The following FUT8 variants were observed in gnomAD, a reference collection of about 807,000 sequenced individuals.
FUT8 encodes the protein alpha-(1,6)-fucosyltransferase.
In FUT8, 29 loss-of-function variants were observed where a neutral mutation model predicts 71.3. That is an observed-to-expected ratio of 0.41 (90% CI 0.30 to 0.55). The LOEUF is 0.55. FUT8 is among the 20% of genes least tolerant of loss of function. The probability of loss-of-function intolerance (pLI) is 0.34; values close to 1 mark genes in which losing one functional copy is unlikely to be tolerated. For missense variants in FUT8, 544 were observed against 702.1 expected, an observed-to-expected ratio of 0.77 and a Z score of 2.55; for synonymous variants, 254 against 239.3, an observed-to-expected ratio of 1.06 and a Z score of -0.57.
At chr14:65,491,026 T>C (rs2066474981) in intron 2 of FUT8, among the ~76,000 whole-genome samples, 1 of 152,124 alleles carries the variant, frequency 6.6e-6, no homozygotes, top group Non-Finnish European at 1.5e-5. Flanking sequence ...TTAACACTTT[T>C]AGTTAGAAGA....
At chr14:65,572,184 A>G (rs1412168988) in intron 3 of FUT8, among the ~76,000 whole-genome samples, 1 of 152,158 alleles carries the variant, frequency 6.6e-6, no homozygotes, top group Non-Finnish European at 1.5e-5. Context: ...GCAGTGGGAA[A>G]CAATGCAAGA....
intron 3 of FUT8, among the ~76,000 whole-genome samples, chr14:65,611,182 CA>C (rs1888874569): frequency 2.9e-5 from 3 of 102,150 alleles, no homozygotes; most frequent in Non-Finnish European, 4.4e-5. Flanking sequence ...TTTTAAGTGT[CA>C]TACACACACA....
At chr14:65,624,636 A>G (rs1004282476) in intron 5 of FUT8, among the ~76,000 whole-genome samples, 2 of 152,256 alleles carry the variant, frequency 1.3e-5, no homozygotes, top group Non-Finnish European at 2.9e-5. Flanking sequence ...GTTCCTGTGC[A>G]TTCGTGCACC....
At chr14:65,451,555 A>G (rs1229331793) in intron 1 of FUT8, among the ~76,000 whole-genome samples, 1 of 152,204 alleles carries the variant, frequency 6.6e-6, no homozygotes, top group East Asian at 1.9e-4. Flanking sequence ...CCAAAGGGCC[A>G]CTGTGAAAGC....
At chr14:65,697,738 G>A (rs1894068098) in intron 7 of FUT8, among the ~76,000 whole-genome samples, 1 of 152,204 alleles carries the variant, frequency 6.6e-6, no homozygotes. Context: ...GCGGTCAGGA[G>A]TGAGGTGGGT....
At chr14:65,712,664 C>T (rs1894863690) in intron 7 of FUT8, among the ~76,000 whole-genome samples, 1 of 152,146 alleles carries the variant, frequency 6.6e-6, no homozygotes, top group African/African-American at 2.4e-5. Context: ...AGGCTGATCT[C>T]AAACTTCTGA....
chr14:65,624,568 C>T (rs1000021919), intron 5 of FUT8, among the ~76,000 whole-genome samples: 2 of 152,140 alleles, frequency 1.3e-5, no homozygotes, highest in Admixed American at 1.3e-4. Context: ...CAGTTTTTAC[C>T]TCCTTGAGGC....
the FUT8 span, among the ~76,000 whole-genome samples, chr14:65,369,902 A>C: frequency 6.6e-6 from 1 of 152,110 alleles, no homozygotes; most frequent in East Asian, 1.9e-4. The surrounding 1 kb of genome is among the most constrained non-coding windows in gnomAD (Gnocchi z 4.6). Flanking sequence ...TACTTTCTTC[A>C]TAAACTTGCT....
chr14:65,601,996 C>T (rs1248674339), intron 3 of FUT8, among the ~76,000 whole-genome samples: 1 of 151,362 alleles, frequency 6.6e-6, no homozygotes, highest in Non-Finnish European at 1.5e-5. Context: ...TTTTTTATAT[C>T]CGTAAGTTTT....
chr14:65,699,372 T>C (rs1047988001), intron 7 of FUT8, among the ~76,000 whole-genome samples: 3 of 152,200 alleles, frequency 2.0e-5, no homozygotes, highest in Non-Finnish European at 4.4e-5. Context: ...ACTGGTCATC[T>C]GTAAGTGTAC....
intron 6 of FUT8, among the ~76,000 whole-genome samples, chr14:65,634,137 GA>G (rs1278282009): frequency 6.6e-6 from 1 of 152,124 alleles, no homozygotes; most frequent in East Asian, 1.9e-4. Context: ...GAAAGGTGGG[GA>G]AAAGATTGAG....
chr14:65,612,242 T>C (rs1342842311), intron 3 of FUT8, among the ~76,000 whole-genome samples: 3 of 152,312 alleles, frequency 2.0e-5, no homozygotes, highest in Admixed American at 1.3e-4. Flanking sequence ...TGGGATGTAG[T>C]TATGTTATTT....
In FUT8 at chr14:65,721,913, T is replaced by C; in HGVS notation, c.974T>C (p.Val325Ala). ...GTACGAGTGCATGGTGACCCTGCAGTGTGGTGGGTGTCTCAGTTTGTCAAA... is the reference window on the plus strand; with the variant it reads ...GTACGAGTGCATGGTGACCCTGCAGCGTGGTGGGTGTCTCAGTTTGTCAAA... Reference protein sequence around the residue: ...RLVRVHGDPAVWWVSQFVKYL... With the variant: ...RLVRVHGDPAAWWVSQFVKYL... Residue 325 changes from valine (V) to alanine (A), a missense_variant, in exon 8 of 11, where the codon GTG becomes GCG. Val to Ala is a moderately conservative substitution (Grantham distance 64). Transcript: ENST00000673929. 2 of 1,614,184 alleles carry C rather than the reference T, an allele frequency of 1.2e-6. No homozygotes were observed. The highest frequency in any genetic ancestry group is 1.7e-6 in the Non-Finnish European group (2 of 1,180,022).
At chr14:65,640,493 G>A (rs10162379) in intron 6 of FUT8, among the ~76,000 whole-genome samples, 9,489 of 152,072 alleles carry the variant, frequency 0.062, 544 homozygotes, top group African/African-American at 0.15. Context: ...TAATGATAAT[G>A]TGAACTTAAA....
intron 6 of FUT8, among the ~76,000 whole-genome samples, chr14:65,648,198 A>C (rs1891202561): frequency 6.6e-6 from 1 of 152,236 alleles, no homozygotes; most frequent in African/African-American, 2.4e-5. Context: ...TACAGCCTGC[A>C]AAGCCAAAGA....
intron 5 of FUT8, among the ~76,000 whole-genome samples, chr14:65,625,064 C>CATAAATAAATAA (rs145476463): frequency 0.031 from 4,553 of 146,464 alleles, 87 homozygotes; most frequent in East Asian, 0.045. Flanking sequence ...GAAACTCTGT[C>CATAAATAAATAA]ATAAATAAAT....
the FUT8 span, among the ~76,000 whole-genome samples, chr14:65,374,513 C>A: frequency 6.6e-6 from 1 of 152,248 alleles, no homozygotes. Context: ...GGTATTTTGG[C>A]ACTATTGGTT....
the FUT8 span, among the ~76,000 whole-genome samples, chr14:65,383,832 G>T: frequency 6.6e-6 from 1 of 152,182 alleles, no homozygotes; most frequent in Non-Finnish European, 1.5e-5. Context: ...CACAAGAGTG[G>T]TTGAGATAAC....
chr14:65,644,476 C>T (rs1379853790), intron 6 of FUT8, among the ~76,000 whole-genome samples: 1 of 152,026 alleles, frequency 6.6e-6, no homozygotes, highest in African/African-American at 2.4e-5. Context: ...TCTCCTGCCT[C>T]AGCCTCCCGA....
Sources: gnomAD v4.1 joint callset for allele counts (sites outside exome capture counted in the v4.1 genomes callset) on GRCh38, gnomAD v4.1.1 for gene constraint, Gnocchi (gnomAD v3.1) non-coding constraint, MANE v1.5 for transcripts, NCBI Gene and HGNC (gene_info 2026-07-23, HGNC 2026-07-21) for gene names.